Variants in RCN3 observed in about 807,000 individuals in gnomAD.
The protein encoded by RCN3 is reticulocalbin-3.
RCN3 carries 41 observed loss-of-function variants against 35.9 expected under a neutral mutation model. The observed-to-expected ratio is 1.14, with a 90% CI of 0.89 to 1.48. The LOEUF is 1.48. RCN3 is among the 40% of genes most tolerant of loss of function. The pLI, the probability that RCN3 is intolerant of heterozygous loss-of-function variation, is 0.00. For synonymous variants in RCN3, 187 were observed against 193.4 expected, an observed-to-expected ratio of 0.97 and a Z score of 0.27; for missense variants, 451 against 471.3, an observed-to-expected ratio of 0.96 and a Z score of 0.40.
chr19:49,536,930 A>C (rs547315538), intron 3 of RCN3, 103 bp from the exon 4 acceptor site: 1 of 1,135,602 alleles, frequency 8.8e-7, no homozygotes, highest in East Asian at 2.7e-5. Context: ...TATTAACTCC[A>C]CAGAAATCTT....
At chr19:49,537,248 G>C in intron 4 of RCN3, 43 bp downstream of exon 4, 1 of 1,414,932 alleles carries the variant, frequency 7.1e-7, no homozygotes, top group Non-Finnish European at 9.3e-7. Context: ...ACCCTTCCGG[G>C]GACCCAGGCT....
chr19:49,529,928 GTATTTTTATTTTT>G (rs138962686), intron 2 of RCN3, among the ~76,000 whole-genome samples: 16,489 of 147,428 alleles, frequency 0.11, 1,086 homozygotes, highest in East Asian at 0.19. Flanking sequence ...AGCTAATTTT[GTATTTTTATTTTT>G]TATTTTTATT....
intron 2 of RCN3, among the ~76,000 whole-genome samples, chr19:49,529,451 G>T (rs1029642695): frequency 1.3e-5 from 2 of 152,190 alleles, no homozygotes; most frequent in South Asian, 2.1e-4. Context: ...AGGCCTGAGC[G>T]CAGGGGGGCG....
In RCN3 at chr19:49,536,048, G is replaced by A. The variant is rs376534258; in HGVS notation, c.446-985G>A. Among the ~76,000 whole-genome samples, 153 of 146,526 alleles carry A rather than the reference G, an allele frequency of 1.0e-3. 1 individual carries two copies. Among genetic ancestry groups the A allele is most frequent in the South Asian group, 5.6e-3 (26 of 4,644 alleles). ...GTTGCCCAGGCTGGAGTGCAGTGGC[G>A]TGGTCTCGGCTCACTGCAACCTCCG... On this transcript the variant is annotated intron_variant, in intron 3 of 6. Transcript: ENST00000270645.
chr19:49,528,858 A>G, intron 2 of RCN3, 144 bp downstream of exon 2: 1 of 1,159,984 alleles, frequency 8.6e-7, no homozygotes, highest in Non-Finnish European at 1.1e-6. Flanking sequence ...TCCTTGGGAA[A>G]AAGAAATTAA....
At chr19:49,535,861 A>AT (rs569935429) in intron 3 of RCN3, among the ~76,000 whole-genome samples, 4,159 of 142,426 alleles carry the variant, frequency 0.029, 103 homozygotes, top group African/African-American at 0.071. Context: ...AAAAAAAAAA[A>AT]ATATATATAT....
At position 49,542,760 on chromosome 19, in the gene RCN3, G is replaced by T; in HGVS notation, c.879+8G>T. The T allele has an allele frequency of 6.3e-7, 1 of 1,575,904 alleles. No individual in the cohort carries two copies. Among genetic ancestry groups the T allele is most frequent in the Non-Finnish European group, 8.6e-7 (1 of 1,160,964 alleles). ...GAGAGCGACACGGACAAGGTGCAGTGACGGGGCCTCGGCAGGAGCGAGGAG... is the reference window on the plus strand; with the variant it reads ...GAGAGCGACACGGACAAGGTGCAGTTACGGGGCCTCGGCAGGAGCGAGGAG... On this transcript the variant is annotated splice_region_variant and intron_variant, in intron 6 of 6. Coordinates refer to ENST00000270645, the MANE Select transcript of RCN3 (RefSeq NM_020650.3).
intron 2 of RCN3, among the ~76,000 whole-genome samples, chr19:49,532,299 G>A (rs1181559653): frequency 2.0e-5 from 3 of 150,260 alleles, no homozygotes; most frequent in Non-Finnish European, 3.0e-5. Context: ...TAGAGACGGG[G>A]TTTCACCATG....
rs935604697 is a variant in RCN3 at position 49,531,387 on chromosome 19, C to T, written c.242+2673C>T. 5.3e-5 allele frequency among the ~76,000 whole-genome samples: 8 copies of T among 152,176 alleles called. No homozygotes were observed. The South Asian group carries it at 1.0e-3, about 20-fold the overall frequency. Reference sequence around the variant, plus strand: ...CAGCACTTTGGGAGTCCAAAGCGGGCGGATTGCCTGAGACCATGCAAAGGG... The same window carrying T: ...CAGCACTTTGGGAGTCCAAAGCGGGTGGATTGCCTGAGACCATGCAAAGGG... On this transcript the variant is annotated intron_variant, in intron 2 of 6. Coordinates refer to ENST00000270645, the MANE Select transcript of RCN3 (RefSeq NM_020650.3).
At chr19:49,541,089 C>A (rs2080160927) in intron 5 of RCN3, among the ~76,000 whole-genome samples, 1 of 152,042 alleles carries the variant, frequency 6.6e-6, no homozygotes, top group Admixed American at 6.6e-5. Context: ...CACTACCACG[C>A]CTGGCTAATT....
At chr19:49,529,791 C>G (rs1336682329) in intron 2 of RCN3, among the ~76,000 whole-genome samples, 1 of 152,082 alleles carries the variant, frequency 6.6e-6, no homozygotes, top group Non-Finnish European at 1.5e-5. Flanking sequence ...GAGTCTCGCT[C>G]TGTCACCCAG....
chr19:49,530,117 C>T (rs912664188), intron 2 of RCN3, among the ~76,000 whole-genome samples: 1 of 151,586 alleles, frequency 6.6e-6, no homozygotes, highest in African/African-American at 2.4e-5. Flanking sequence ...GCTACAAGTC[C>T]TAGCTACAAG....
In RCN3 at chr19:49,528,523, G is replaced by A. The variant is rs750608118; in HGVS notation, c.51G>A (p.Gly17=). The A allele has an allele frequency of 9.0e-6, 14 of 1,554,732 alleles. No individual in the cohort carries two copies. Among genetic ancestry groups the A allele is most frequent in the Admixed American group, 2.0e-5 (1 of 49,734 alleles). Residue 17 remains glycine (G), a synonymous_variant, in exon 2 of 7, where the codon GGG becomes GGA. Coordinates refer to ENST00000270645, the MANE Select transcript of RCN3 (RefSeq NM_020650.3). ...TGCTTCTGTTGCTACTGAGGCACGGGGCCCAGGGGAAGCCATCCCCAGACG... is the reference window on the plus strand; with the variant it reads ...TGCTTCTGTTGCTACTGAGGCACGGAGCCCAGGGGAAGCCATCCCCAGACG... ...VLLLLLLLRH[G]AQGKPSPDAG...
intron 2 of RCN3, among the ~76,000 whole-genome samples, chr19:49,533,923 T>C (rs1012371583): frequency 6.6e-6 from 1 of 151,902 alleles, no homozygotes; most frequent in African/African-American, 2.4e-5. Flanking sequence ...CCCTGCATCG[T>C]AGTAGGTCCC....
rs762660070 is a variant in RCN3 at position 49,534,316 on chromosome 19, G to T, written c.366G>T (p.Trp122Cys). The change falls in exon 3 of 7, where the codon TGG (tryptophan) becomes TGT (cysteine). Residue 122 changes from tryptophan to cysteine, a missense_variant. Trp to Cys is a radical substitution (Grantham distance 215). Coordinates refer to ENST00000270645, the MANE Select transcript of RCN3 (RefSeq NM_020650.3). ...TACGGGACTCGGTGAGCGCGGCCTG[G>T]GACACGTACGACACGGACCGCGACG... Reference protein sequence around the residue: ...RHIRDSVSAAWDTYDTDRDGR... With the variant: ...RHIRDSVSAACDTYDTDRDGR... 2 of 1,505,764 alleles carry T rather than the reference G, an allele frequency of 1.3e-6. No individual in the cohort carries two copies. The allele number at this position is 1,505,764 out of a possible 1,614,324, so 93.3% of individuals were successfully genotyped here. A position where few individuals can be genotyped will look rare whatever the true frequency, so the allele number is the denominator to read the frequency against.
At position 49,528,583 on chromosome 19, in the gene RCN3, G is replaced by C; in HGVS notation, c.111G>C (p.Ala37=). 1 of 1,608,956 alleles carries C rather than the reference G, an allele frequency of 6.2e-7. No homozygotes were observed. The highest frequency in any genetic ancestry group is 8.5e-7 in the Non-Finnish European group (1 of 1,177,818). The part of the protein sequence containing the change: ...GPHGQGRVHQ[A]APLSDAPHDD... ...ATGGCCAGGGGAGGGTGCACCAGGCGGCCCCCCTGAGCGACGCTCCCCATG... is the reference window on the plus strand; with the variant it reads ...ATGGCCAGGGGAGGGTGCACCAGGCCGCCCCCCTGAGCGACGCTCCCCATG... The change falls in exon 2 of 7, where the codon GCG becomes GCC. Residue 37 remains alanine, a synonymous_variant. Transcript: ENST00000270645.
At position 49,528,466 on chromosome 19, in the gene RCN3, G is replaced by C. The variant is rs374629896; in HGVS notation, c.-6-1G>C. On this transcript the variant is annotated splice_acceptor_variant, in intron 1 of 6. Transcript: ENST00000270645. LOFTEE classifies it low-confidence loss of function (5UTR_SPLICE). ...GACCCCTGGCCTTTGCCACTCCCCA[G>C]GGACCGATGATGTGGCGACCATCAG... 16 of 1,497,280 alleles carry C rather than the reference G, an allele frequency of 1.1e-5. No homozygotes were observed. The highest frequency in any genetic ancestry group is 1.4e-5 in the Non-Finnish European group (16 of 1,123,134). 92.7% of individuals were successfully genotyped at this position (1,497,280 alleles called of 1,614,324 possible).
intron 5 of RCN3, 26 bp from the exon 6 acceptor site, chr19:49,542,527 C>T (rs1252203218): frequency 1.9e-6 from 3 of 1,545,004 alleles, no homozygotes; most frequent in Admixed American, 2.0e-5. Context: ...TGCCCCTGAC[C>T]TTGTCCCCTC....
intron 5 of RCN3, among the ~76,000 whole-genome samples, chr19:49,541,721 C>T (rs1014119386): frequency 2.6e-5 from 4 of 151,778 alleles, no homozygotes; most frequent in African/African-American, 9.7e-5. Flanking sequence ...TGCACTCCAG[C>T]CTGTAATCCC....
Sources: gnomAD v4.1 joint callset for allele counts (sites outside exome capture counted in the v4.1 genomes callset) on GRCh38, gnomAD v4.1.1 for gene constraint, MANE v1.5 for transcripts, NCBI Gene and HGNC (gene_info 2026-07-23, HGNC 2026-07-21) for gene names.